Variants in ANKRD11 observed in about 807,000 individuals in gnomAD.
ANKRD11 encodes ankyrin repeat domain 11.
In ANKRD11, 17 loss-of-function variants were observed where a neutral mutation model predicts 195.7. That is an observed-to-expected ratio of 0.09 (90% confidence interval 0.06 to 0.13). The LOEUF (loss-of-function observed/expected upper bound fraction) is 0.13. Among genes scored for constraint, ANKRD11 ranks in the 10% least tolerant of loss-of-function variants. The pLI is 1.00. For synonymous variants in ANKRD11, 1,953 were observed against 1,528.1 expected (o/e 1.28, Z -6.49); for missense variants, 3,735 against 3,566.1 (o/e 1.05, Z -1.21).
At chr16:89,422,703 G>C (rs1207312524) in intron 1 of ANKRD11, among the ~76,000 whole-genome samples, 1 of 152,138 alleles carries the variant, frequency 6.6e-6, no homozygotes, top group African/African-American at 2.4e-5. Flanking sequence ...CAGCCTCCCT[G>C]GGAAGGAAGC....
Position 89,279,863 on chromosome 16 carries a change from G to T in ANKRD11, c.6679C>A (p.Pro2227Thr). The change falls in exon 9 of 13, where the codon CCG (proline) becomes ACG (threonine). Residue 2227 changes from proline to threonine, a missense_variant. Pro to Thr is a conservative substitution (Grantham distance 38). Coordinates refer to ENST00000301030, the MANE Select transcript of ANKRD11 (RefSeq NM_013275.6). The surrounding 1 kb of genome is among the most constrained non-coding windows in gnomAD (Gnocchi z 5.6). ...LEAAVEAETV[P>T]EERARGDPDS... ...GGATCCCCACGGGCCCTCTCTTCCG[G>T]CACCGTCTCCGCCTCCACCGCAGCT... 1 of 1,559,652 alleles carries T rather than the reference G, an allele frequency of 6.4e-7. No homozygotes were observed. The highest frequency in any genetic ancestry group is 8.7e-7 in the Non-Finnish European group (1 of 1,153,756).
At position 89,283,865 on chromosome 16, in the gene ANKRD11, G is replaced by A. The variant is rs202046459; in HGVS notation, c.2677C>T (p.Arg893Trp). 9.3e-6 allele frequency: 15 copies of A among 1,613,856 alleles called. No homozygotes were observed. The highest frequency in any genetic ancestry group is 2.2e-5 in the South Asian group (2 of 91,076). Residue 893 changes from arginine to tryptophan, a missense_variant, in exon 9 of 13, where the codon CGG (arginine) becomes TGG (tryptophan). Physicochemically the swap from Arg to Trp is moderately radical, Grantham distance 101. Transcript: ENST00000301030. The surrounding 1 kb of genome is among the most constrained non-coding windows in gnomAD (Gnocchi z 4.3). ...CTGTAGTCTCGCTTCTCCCGGGCCC[G>A]GCTGTCCCGCCTCCTCTCCTTGCTG... is the stretch of plus-strand genomic sequence containing the variant. ...EDSKERRRDS[R>W]AREKRDYREP...
intron 1 of ANKRD11, among the ~76,000 whole-genome samples, chr16:89,480,090 A>G (rs776756049): frequency 1.4e-5 from 2 of 146,972 alleles, no homozygotes; most frequent in South Asian, 2.2e-4. Context: ...CAGCCTGGGC[A>G]ACAGAGCAAG....
At chr16:89,391,272 C>T (rs995881060) in intron 2 of ANKRD11, among the ~76,000 whole-genome samples, 9 of 151,186 alleles carry the variant, frequency 6.0e-5, no homozygotes, top group Admixed American at 2.6e-4. Context: ...GGAGGGGTCA[C>T]GGAACCCCAG....
rs201957371 is a variant in ANKRD11, at chr16:89,279,716, G to A, written c.6826C>T (p.Pro2276Ser). The A allele has an allele frequency of 4.6e-4, 698 of 1,532,582 alleles. 2 individuals are homozygous for A. In the African/African-American group the frequency reaches 8.1e-3, roughly 18 times the overall value. The allele number at this position is 1,532,582 out of a possible 1,614,324, so 94.9% of individuals were successfully genotyped here. A position where few individuals can be genotyped will look rare whatever the true frequency, so the allele number is the denominator to read the frequency against. The change falls in exon 9 of 13, where the codon CCG becomes TCG. Residue 2276 changes from proline (P) to serine (S), a missense_variant. By Grantham distance (74) the Pro-to-Ser change is moderately conservative. Transcript: ENST00000301030. This position sits in a 1 kb window ranked among gnomAD's most constrained non-coding sequence, Gnocchi z 5.6. ...GCCTGAGCTTGTGCCACAGTGTTCG[G>A]GGCGGGGCCGTCAGGGGCACAGAGG... ...ASLCAPDGPA[P>S]NTVAQAQAAD...
At chr16:89,436,513 C>T (rs886706101) in intron 1 of ANKRD11, among the ~76,000 whole-genome samples, 2 of 152,046 alleles carry the variant, frequency 1.3e-5, no homozygotes, top group South Asian at 2.1e-4. Context: ...AAGTATTATA[C>T]AAGAGCCTCA....
chr16:89,349,756 A>G (rs775882171), intron 2 of ANKRD11, among the ~76,000 whole-genome samples: 3 of 152,068 alleles, frequency 2.0e-5, no homozygotes, highest in Non-Finnish European at 4.4e-5. Context: ...AAAAAGCACA[A>G]AGTACCCAAG....
intron 2 of ANKRD11, among the ~76,000 whole-genome samples, chr16:89,408,215 A>G (rs992478971): frequency 6.6e-6 from 1 of 152,208 alleles, no homozygotes; most frequent in Non-Finnish European, 1.5e-5. Flanking sequence ...AAACTCCCTG[A>G]GAGAGCTCAC....
chr16:89,341,558 A>T (rs1180415455), intron 2 of ANKRD11, among the ~76,000 whole-genome samples: 1 of 152,090 alleles, frequency 6.6e-6, no homozygotes, highest in Non-Finnish European at 1.5e-5. Flanking sequence ...AATAGAGGAT[A>T]ATGGCATAAA....
chr16:89,396,995 A>G (rs1041621282), intron 2 of ANKRD11, among the ~76,000 whole-genome samples: 2 of 151,664 alleles, frequency 1.3e-5, no homozygotes, highest in African/African-American at 4.8e-5. Context: ...TGACCAGATC[A>G]CTAATTTTTT....
intron 2 of ANKRD11, among the ~76,000 whole-genome samples, chr16:89,350,898 C>T (rs904823989): frequency 6.6e-6 from 1 of 152,136 alleles, no homozygotes; most frequent in African/African-American, 2.4e-5. Flanking sequence ...CACTGTGTTA[C>T]GATTTCTTTC....
intron 1 of ANKRD11, among the ~76,000 whole-genome samples, chr16:89,479,684 C>T (rs1179494619): frequency 1.3e-5 from 2 of 150,902 alleles, no homozygotes; most frequent in Non-Finnish European, 2.9e-5. Flanking sequence ...GTGGCTCACA[C>T]CTGTAATCCC....
intron 1 of ANKRD11, among the ~76,000 whole-genome samples, chr16:89,458,467 G>C (rs1174273239): frequency 6.6e-6 from 1 of 152,026 alleles, no homozygotes; most frequent in African/African-American, 2.4e-5. Context: ...CTCGTGATCC[G>C]CCCATCTCGG....
chr16:89,384,879 C>CTTTCTTT (rs2040832957), intron 2 of ANKRD11, among the ~76,000 whole-genome samples: 1 of 49,910 alleles, frequency 2.0e-5, no homozygotes, highest in African/African-American at 7.9e-5. Context: ...AAATAGTTTT[C>CTTTCTTT]TTTTTTTTTT....
At position 89,381,354 on chromosome 16, in the gene ANKRD11, A is replaced by AAAAAAAAAAAAAAAAAAAAG. The variant is rs1555560066; in HGVS notation, c.-60+36929_-60+36930insCTTTTTTTTTTTTTTTTTTT. Among the ~76,000 whole-genome samples the AAAAAAAAAAAAAAAAAAAAG allele has an allele frequency of 1.6e-5, 2 of 125,346 alleles. 1 individual carries two copies. Among genetic ancestry groups the AAAAAAAAAAAAAAAAAAAAG allele is most frequent in the African/African-American group, 6.6e-5 (2 of 30,362 alleles). 82.2% of individuals were successfully genotyped at this position (125,346 alleles called of 152,430 possible). On this transcript the variant is annotated intron_variant, in intron 2 of 12. Transcript: ENST00000301030. ...TGCAAAAAAAAAAAAAAAAAAAAAAAGGGGTGAGAAGGGCAAGCAAGAGTT... is the reference window on the plus strand; with the variant it reads ...TGCAAAAAAAAAAAAAAAAAAAAAAAAAAAAAAAAAAAAAAAAAAGGGGGTGAGAAGGGCAAGCAAGAGTT...
At chr16:89,412,004 C>A (rs2042128246) in intron 2 of ANKRD11, among the ~76,000 whole-genome samples, 8 of 112,258 alleles carry the variant, frequency 7.1e-5, no homozygotes, top group Admixed American at 7.0e-4. Flanking sequence ...CCAGAGTCTC[C>A]TGGCCGTGCC....
chr16:89,391,760 C>T (rs2041210477), intron 2 of ANKRD11, among the ~76,000 whole-genome samples: 1 of 152,194 alleles, frequency 6.6e-6, no homozygotes, highest in Non-Finnish European at 1.5e-5. Flanking sequence ...TCTTCAAAGA[C>T]TTTCCTCCCC....
intron 1 of ANKRD11, among the ~76,000 whole-genome samples, chr16:89,447,791 A>G (rs1481496679): frequency 6.6e-6 from 1 of 151,126 alleles, no homozygotes; most frequent in African/African-American, 2.4e-5. Flanking sequence ...TTCCTAAAAT[A>G]CAATAACTTT....
At chr16:89,286,370 G>A (rs1362411962) in intron 7 of ANKRD11, 184 bp from the exon 8 acceptor site, 34 of 861,618 alleles carry the variant, frequency 3.9e-5, no homozygotes, top group Non-Finnish European at 5.3e-5. Context: ...TGTGGTGGGC[G>A]AGGCTGTGGC....
Sources: gnomAD v4.1 joint callset for allele counts (sites outside exome capture counted in the v4.1 genomes callset) on GRCh38, gnomAD v4.1.1 for gene constraint, Gnocchi (gnomAD v3.1) non-coding constraint, MANE v1.5 for transcripts, NCBI Gene and HGNC (gene_info 2026-07-23, HGNC 2026-07-21) for gene names.